RALYL: variants seen among roughly 807,000 people sequenced by gnomAD.
RALYL encodes the protein RNA-binding Raly-like protein.
RALYL carries 29 observed loss-of-function variants against 35.1 expected under a neutral mutation model. The observed-to-expected ratio is 0.83, with a 90% CI of 0.61 to 1.13. The LOEUF is 1.13. RALYL is among the 50% of genes most tolerant of loss of function. RALYL has a pLI of 0.00. For synonymous variants in RALYL, 120 were observed against 127.6 expected, an observed-to-expected ratio of 0.94 and a Z score of 0.40; for missense variants, 359 against 360.4, an observed-to-expected ratio of 1.00 and a Z score of 0.03.
intron 1 of RALYL, among the ~76,000 whole-genome samples, chr8:84,477,744 T>A (rs1312167141): frequency 6.6e-6 from 1 of 151,610 alleles, no homozygotes; most frequent in African/African-American, 2.4e-5. Context: ...TTTTTACCAT[T>A]TTATCCTGAT....
intron 7 of RALYL, among the ~76,000 whole-genome samples, chr8:84,877,813 G>A (rs1254264952): frequency 6.6e-6 from 1 of 152,120 alleles, no homozygotes; most frequent in African/African-American, 2.4e-5. Flanking sequence ...CTCCAGATAT[G>A]ATCTGACTGC....
intron 1 of RALYL, among the ~76,000 whole-genome samples, chr8:84,384,097 C>A (rs1050344957): frequency 6.6e-6 from 1 of 151,584 alleles, no homozygotes; most frequent in Non-Finnish European, 1.5e-5. Context: ...CTCATTTTTA[C>A]AAAATATTTT....
At chr8:84,619,311 C>T (rs1283528816) in intron 2 of RALYL, among the ~76,000 whole-genome samples, 2 of 151,578 alleles carry the variant, frequency 1.3e-5, no homozygotes, top group East Asian at 1.9e-4. Flanking sequence ...GGATAGTTAG[C>T]TCTTCTTGTT....
intron 2 of RALYL, among the ~76,000 whole-genome samples, chr8:84,680,558 G>T (rs976465887): frequency 6.6e-6 from 1 of 152,142 alleles, no homozygotes; most frequent in Non-Finnish European, 1.5e-5. Context: ...GTGTGAGATG[G>T]TATCTCATTG....
intron 1 of RALYL, among the ~76,000 whole-genome samples, chr8:84,348,586 A>G (rs1469308504): frequency 1.1e-4 from 17 of 152,142 alleles, no homozygotes; most frequent in Admixed American, 1.0e-3. Context: ...TGCCCAGGCA[A>G]TTACACCACC....
chr8:84,373,448 TATCTC>T (rs926165009), intron 1 of RALYL, among the ~76,000 whole-genome samples: 79 of 152,162 alleles, frequency 5.2e-4, no homozygotes, highest in African/African-American at 1.7e-3. Context: ...GCTAGTGAGT[TATCTC>T]AGCATCATTT....
intron 2 of RALYL, among the ~76,000 whole-genome samples, chr8:84,733,938 A>G (rs1846725638): frequency 6.6e-6 from 1 of 152,238 alleles, no homozygotes; most frequent in Non-Finnish European, 1.5e-5. Flanking sequence ...AAAATAGTAA[A>G]AAGGCAGAAA....
chr8:84,227,644 C>G (rs1824271697), intron 1 of RALYL, among the ~76,000 whole-genome samples: 1 of 151,724 alleles, frequency 6.6e-6, no homozygotes, highest in Non-Finnish European at 1.5e-5. Context: ...GTCTTTTTGT[C>G]TTATTAGAGT....
chr8:84,230,459 G>A (rs981849776), intron 1 of RALYL, among the ~76,000 whole-genome samples: 1 of 152,062 alleles, frequency 6.6e-6, no homozygotes, highest in Non-Finnish European at 1.5e-5. Context: ...GTATACTAAT[G>A]AATGTTATAA....
chr8:84,386,382 A>C (rs73300735), intron 1 of RALYL, among the ~76,000 whole-genome samples: 4,480 of 151,970 alleles, frequency 0.029, 216 homozygotes, highest in African/African-American at 0.1. Context: ...AACATGTATC[A>C]ACAAGCAGAG....
In RALYL at chr8:84,487,234, A is replaced by G. The variant is rs114270118; in HGVS notation, c.-23-42065A>G. Among the ~76,000 whole-genome samples, 543 of 152,254 alleles carry G rather than the reference A, an allele frequency of 3.6e-3. 3 individuals are homozygous for G. Among genetic ancestry groups the G allele is most frequent in the African/African-American group, 0.012 (511 of 41,578 alleles). On this transcript the variant is annotated intron_variant, in intron 1 of 8. Coordinates refer to ENST00000521268, the MANE Select transcript of RALYL (RefSeq NM_173848.7). The stretch of plus-strand genomic sequence containing the variant: ...TAACCAAATCAGTTTTTTAGAGCTT[A>G]GATCAATAAATAATTTTTTCAGAAA...
intron 2 of RALYL, among the ~76,000 whole-genome samples, chr8:84,604,289 T>C (rs527337250): frequency 6.6e-6 from 1 of 152,284 alleles, no homozygotes; most frequent in Admixed American, 6.5e-5. Flanking sequence ...ATGTGGCTTA[T>C]TGTTAGTCTA....
intron 1 of RALYL, among the ~76,000 whole-genome samples, chr8:84,386,043 A>G (rs904987657): frequency 6.6e-6 from 1 of 151,758 alleles, no homozygotes; most frequent in African/African-American, 2.4e-5. Context: ...GTAAGCATTC[A>G]CTTGGGAAAG....
chr8:84,325,074 A>G (rs1038048951), intron 1 of RALYL, among the ~76,000 whole-genome samples: 2 of 152,170 alleles, frequency 1.3e-5, no homozygotes, highest in African/African-American at 2.4e-5. Flanking sequence ...GTAGAAAAGA[A>G]GTTCCATTTC....
intron 7 of RALYL, among the ~76,000 whole-genome samples, chr8:84,879,917 A>G (rs1025142333): frequency 3.3e-5 from 5 of 152,070 alleles, no homozygotes; most frequent in Non-Finnish European, 5.9e-5. Context: ...GTTCAAGACT[A>G]TTGCAATAGG....
chr8:84,730,632 G>C (rs1439426238), intron 2 of RALYL, among the ~76,000 whole-genome samples: 1 of 150,440 alleles, frequency 6.6e-6, no homozygotes, highest in East Asian at 1.9e-4. Context: ...ATATCTAGAA[G>C]ACCCCATTGT....
intron 1 of RALYL, among the ~76,000 whole-genome samples, chr8:84,361,199 T>C (rs935710616): frequency 1.3e-5 from 2 of 152,302 alleles, no homozygotes; most frequent in Admixed American, 1.3e-4. Flanking sequence ...TTGCCTTTAA[T>C]CTGAACAGTA....
At position 84,872,421 on chromosome 8, in the gene RALYL, TATAAAC is replaced by T. The variant is rs555997512; in HGVS notation, c.572-859_572-854del. ...GACAGTGCAGTAAATTTTTTACAAA[TATAAAC>T]ATATTTCATTTAAAGAATTGTCTTC... On this transcript the variant is annotated intron_variant, in intron 6 of 8. Transcript: ENST00000521268. 1.5e-3 allele frequency: 234 copies of T among 152,280 alleles called. 1 individual carries two copies. Among genetic ancestry groups the T allele is most frequent in the African/African-American group, 5.3e-3 (219 of 41,572 alleles). 9.4% of individuals were successfully genotyped at this position (152,280 alleles called of 1,614,324 possible).
In RALYL at chr8:84,690,018, A is replaced by T. The variant is rs981185801; in HGVS notation, c.257-84561A>T. Among the ~76,000 whole-genome samples, 4 of 152,172 alleles carry T rather than the reference A, an allele frequency of 2.6e-5. No homozygotes were observed. In the South Asian group the frequency reaches 8.3e-4, roughly 31 times the overall value. ...TCTGGAACAGCTACATCATCCAGTA[A>T]TTACACTACTTGTATATTGAAAGGA... On this transcript the variant is annotated intron_variant, in intron 2 of 8. Transcript: ENST00000521268.
Sources: gnomAD v4.1 joint callset for allele counts (sites outside exome capture counted in the v4.1 genomes callset) on GRCh38, gnomAD v4.1.1 for gene constraint, MANE v1.5 for transcripts, NCBI Gene and HGNC (gene_info 2026-07-23, HGNC 2026-07-21) for gene names.